GRAP2: variants seen among roughly 807,000 people sequenced by gnomAD.
GRAP2 encodes the protein GRB2-related adapter protein 2.
A neutral mutation model predicts 43.5 loss-of-function variants in GRAP2; 31 were observed. That is an observed-to-expected ratio of 0.71 (90% CI 0.54 to 0.96). The LOEUF (loss-of-function observed/expected upper bound fraction) is 0.96, where lower values mean the gene tolerates loss of function less well. Ranked by LOEUF, GRAP2 falls within the 40% of genes least tolerant of loss-of-function variation. GRAP2 has a pLI of 0.00. For synonymous variants in GRAP2, 156 were observed against 164.8 expected, an observed-to-expected ratio of 0.95 and a Z score of 0.41; for missense variants, 371 against 424.4, an observed-to-expected ratio of 0.87 and a Z score of 1.11.
intron 1 of GRAP2, among the ~76,000 whole-genome samples, chr22:39,918,889 G>A (rs1255635420): frequency 6.6e-6 from 1 of 152,172 alleles, no homozygotes; most frequent in African/African-American, 2.4e-5. Flanking sequence ...TTATTTTTAT[G>A]GCCATAGTTA....
intron 1 of GRAP2, among the ~76,000 whole-genome samples, chr22:39,908,191 C>G (rs148184959): frequency 2.0e-3 from 301 of 152,330 alleles, no homozygotes; most frequent in Non-Finnish European, 3.5e-3. Flanking sequence ...GGGAAATGAC[C>G]TTTTCTGCCA....
At chr22:39,964,280 C>A in intron 4 of GRAP2, 1 of 643,272 alleles carries the variant, frequency 1.6e-6, no homozygotes, top group Non-Finnish European at 2.8e-6. Flanking sequence ...TCGAATGTGT[C>A]CCATCACTTG....
chr22:39,913,682 A>C (rs1258877392), intron 1 of GRAP2, among the ~76,000 whole-genome samples: 1 of 152,220 alleles, frequency 6.6e-6, no homozygotes, highest in Non-Finnish European at 1.5e-5. Flanking sequence ...GGCCACTGAA[A>C]AATCACGGGA....
chr22:39,933,614 G>A (rs1378833581), intron 1 of GRAP2, among the ~76,000 whole-genome samples: 1 of 152,110 alleles, frequency 6.6e-6, no homozygotes. Flanking sequence ...GCCAAGGCAG[G>A]TGGATCATTA....
chr22:39,905,730 A>G (rs1250476960), intron 1 of GRAP2, among the ~76,000 whole-genome samples: 1 of 152,180 alleles, frequency 6.6e-6, no homozygotes, highest in Non-Finnish European at 1.5e-5. Context: ...AGGTACGGAG[A>G]GGTCTAGTAC....
chr22:39,954,229 A>T (rs1489524140), intron 2 of GRAP2, among the ~76,000 whole-genome samples: 1 of 152,256 alleles, frequency 6.6e-6, no homozygotes, highest in Admixed American at 6.5e-5. Context: ...AACATAAACT[A>T]AAAATGGCTT....
At chr22:39,928,175 CT>C (rs200228700) in intron 1 of GRAP2, among the ~76,000 whole-genome samples, 4 of 151,746 alleles carry the variant, frequency 2.6e-5, no homozygotes, top group Non-Finnish European at 4.4e-5. Context: ...TGAAACACCT[CT>C]TTTTTTTTGT....
At chr22:39,921,538 T>C (rs1179331806) in intron 1 of GRAP2, among the ~76,000 whole-genome samples, 2 of 152,230 alleles carry the variant, frequency 1.3e-5, no homozygotes, top group African/African-American at 4.8e-5. Flanking sequence ...ATTTTGTGTT[T>C]GTGGAGAAGG....
chr22:39,973,484 G>T lies in GRAP2; in HGVS notation c.*2400G>T, dbSNP rs141870963. 1.3e-5 allele frequency: 2 copies of T among 152,208 alleles called. No homozygotes were observed. Among genetic ancestry groups the T allele is most frequent in the Non-Finnish European group, 2.9e-5 (2 of 68,038 alleles). 9.4% of individuals were successfully genotyped at this position (152,208 alleles called of 1,614,324 possible). On this transcript the variant is annotated 3_prime_UTR_variant, in exon 8 of 8. Coordinates refer to ENST00000344138, the MANE Select transcript of GRAP2 (RefSeq NM_004810.4). ...AGAGCTTTCAGAACCCCTGGAGCTC[G>T]GTGTTCTGTTGTAGCAAAAGCTACT... is the stretch of plus-strand genomic sequence containing the variant.
rs1374099406 is a variant in GRAP2, at chr22:39,968,120, C to G, written c.538C>G (p.Pro180Ala). The G allele has an allele frequency of 6.2e-7, 1 of 1,609,022 alleles. No individual in the cohort carries two copies. Among genetic ancestry groups the G allele is most frequent in the East Asian group, 2.2e-5 (1 of 44,670 alleles). ...TGGGGCTGTGGGAGAAGAAATCCGA[C>G]CTTCGATGAACCGGAAGCTGTCGGA... The part of the protein sequence containing the change: ...LSGAVGEEIR[P>A]SMNRKLSDHP... Residue 180 changes from proline (P) to alanine (A), a missense_variant, in exon 6 of 8, where the codon CCT becomes GCT. Transcript: ENST00000344138.
intron 1 of GRAP2, among the ~76,000 whole-genome samples, chr22:39,915,715 G>A (rs773153420): frequency 6.6e-5 from 10 of 152,152 alleles, no homozygotes; most frequent in Non-Finnish European, 8.8e-5. Flanking sequence ...ATGTAATAAC[G>A]TGTATCAAAA....
chr22:39,947,105 G>C lies in GRAP2; in HGVS notation c.-2G>C, dbSNP rs1400303845. On this transcript the variant is annotated 5_prime_UTR_variant, in exon 2 of 8. Coordinates refer to ENST00000344138, the MANE Select transcript of GRAP2 (RefSeq NM_004810.4). ...ATTTCTCTTCCAGCTTCACGTTACA[G>C]CATGGAAGCTGTTGCCAAGTTTGAT... 3.2e-6 allele frequency: 5 copies of C among 1,579,784 alleles called. No individual in the cohort carries two copies. Among genetic ancestry groups the C allele is most frequent in the Non-Finnish European group, 4.4e-6 (5 of 1,148,608 alleles).
intron 5 of GRAP2, among the ~76,000 whole-genome samples, chr22:39,966,921 C>T (rs2067180408): frequency 6.6e-6 from 1 of 152,118 alleles, no homozygotes; most frequent in Admixed American, 6.6e-5. Flanking sequence ...CTAAGCACTA[C>T]CAGAGTCTGG....
chr22:39,959,489 C>T (rs543509150), intron 3 of GRAP2, among the ~76,000 whole-genome samples: 35 of 152,122 alleles, frequency 2.3e-4, no homozygotes, highest in Non-Finnish European at 4.7e-4. Flanking sequence ...CTGCTAGGCA[C>T]ACTGAGCAAA....
Position 39,926,611 on chromosome 22 carries a change from A to G in GRAP2, c.-14-20482A>G, listed in dbSNP as rs552613716. On this transcript the variant is annotated intron_variant, in intron 1 of 7. Coordinates refer to ENST00000344138, the MANE Select transcript of GRAP2 (RefSeq NM_004810.4). ...TGGGGAAAAGTCATAAAAGCATTCT[A>G]TGCTGGACCGGTTCGTGTTAAGTCT... The G allele has an allele frequency of 1.6e-5, 16 of 985,340 alleles. No homozygotes were observed. In the South Asian group the frequency reaches 5.2e-4, roughly 32 times the overall value. 61.0% of individuals were successfully genotyped at this position (985,340 alleles called of 1,614,324 possible).
intron 4 of GRAP2, chr22:39,964,716 A>G (rs978912965): frequency 7.6e-5 from 7 of 91,576 alleles, no homozygotes; most frequent in Non-Finnish European, 1.9e-5. Flanking sequence ...AAACTTTTGT[A>G]AAAAAAAAAA....
At chr22:39,945,311 G>A (rs1051968983) in intron 1 of GRAP2, among the ~76,000 whole-genome samples, 2 of 152,210 alleles carry the variant, frequency 1.3e-5, no homozygotes, top group Non-Finnish European at 2.9e-5. Context: ...CTTTGAATGG[G>A]TAATAGTCAT....
chr22:39,943,922 T>C lies in GRAP2; in HGVS notation c.-14-3171T>C, dbSNP rs188097679. 2.9e-3 allele frequency among the ~76,000 whole-genome samples: 435 copies of C among 152,162 alleles called. 1 individual carries two copies. The highest frequency in any genetic ancestry group is 5.2e-3 in the Non-Finnish European group (352 of 67,986). ...TTTAGTAGAGATGGGGTTTTCACCATGTTGGCCAGGATGGTCTCCATCTCT... is the reference window on the plus strand; with the variant it reads ...TTTAGTAGAGATGGGGTTTTCACCACGTTGGCCAGGATGGTCTCCATCTCT... On this transcript the variant is annotated intron_variant, in intron 1 of 7. Transcript: ENST00000344138.
At chr22:39,926,500 A>G (rs2066700455) in intron 1 of GRAP2, 4 of 528,628 alleles carry the variant, frequency 7.6e-6, no homozygotes, top group South Asian at 8.3e-5. Flanking sequence ...AAAAAAAAAA[A>G]GGAAAAGAGC....
Sources: allele counts gnomAD v4.1 joint callset (sites outside exome capture counted in the v4.1 genomes callset), GRCh38; gene constraint gnomAD v4.1.1; transcripts MANE v1.5; gene names NCBI Gene and HGNC (gene_info 2026-07-23, HGNC 2026-07-21).